PPM1E: variants seen among roughly 807,000 people sequenced by gnomAD.
PPM1E encodes protein phosphatase, Mg2+/Mn2+ dependent 1E, also known as protein phosphatase 1E.
In PPM1E, 20 loss-of-function variants were observed where a neutral mutation model predicts 65.9. That is an observed-to-expected ratio of 0.30 (90% confidence interval 0.21 to 0.44). The LOEUF (loss-of-function observed/expected upper bound fraction) is 0.44, where lower values mean the gene tolerates loss of function less well. PPM1E is among the 20% of genes least tolerant of loss of function. The probability of loss-of-function intolerance (pLI) is 1.00; values close to 1 mark genes in which losing one functional copy is unlikely to be tolerated. For synonymous variants in PPM1E, 352 were observed against 374.9 expected, an observed-to-expected ratio of 0.94 and a Z score of 0.70; for missense variants, 713 against 953.1, an observed-to-expected ratio of 0.75 and a Z score of 3.32.
intron 1 of PPM1E, among the ~76,000 whole-genome samples, chr17:58,937,848 C>G (rs2052004608): frequency 7.8e-6 from 1 of 127,802 alleles, no homozygotes; most frequent in South Asian, 2.4e-4. Context: ...CCACTGCGCT[C>G]CAGCCTGGGC....
intron 1 of PPM1E, among the ~76,000 whole-genome samples, chr17:58,876,326 G>C (rs1300465262): frequency 6.6e-6 from 1 of 151,920 alleles, no homozygotes; most frequent in African/African-American, 2.4e-5. Flanking sequence ...TGTATTAATA[G>C]GCAGAAGACT....
chr17:58,809,789 T>C (rs1228371921), intron 1 of PPM1E, among the ~76,000 whole-genome samples: 1 of 152,248 alleles, frequency 6.6e-6, no homozygotes, highest in Non-Finnish European at 1.5e-5. Flanking sequence ...TGATATCATG[T>C]AATATGCTTT....
At position 58,984,482 on chromosome 17, in the gene PPM1E, A is replaced by G. The variant is rs2031608802; in HGVS notation, c.*3451A>G. On this transcript the variant is annotated 3_prime_UTR_variant, in exon 7 of 7. Coordinates refer to ENST00000308249, the MANE Select transcript of PPM1E (RefSeq NM_014906.5). ...ATTTTTAAACCTAATTTATTCACTC[A>G]GTGAACATTCTTACCTAAGCAAGGC... 1 of 152,662 alleles carries G rather than the reference A, an allele frequency of 6.6e-6. No homozygotes were observed. The allele number at this position is 152,662 out of a possible 1,614,324, so 9.5% of individuals were successfully genotyped here.
At chr17:58,787,905 TAA>T (rs1284840531) in intron 1 of PPM1E, among the ~76,000 whole-genome samples, 13 of 114,370 alleles carry the variant, frequency 1.1e-4, no homozygotes, top group Admixed American at 2.8e-4. Flanking sequence ...AGACTCTGTC[TAA>T]AAAAAAAAAA....
intron 1 of PPM1E, among the ~76,000 whole-genome samples, chr17:58,900,473 T>C (rs1441731724): frequency 6.6e-6 from 1 of 152,228 alleles, no homozygotes; most frequent in Non-Finnish European, 1.5e-5. Flanking sequence ...TTTTTAGCCA[T>C]AAAGTATTTT....
intron 6 of PPM1E, among the ~76,000 whole-genome samples, chr17:58,975,452 CATAGTG>C (rs2030939004): frequency 6.6e-6 from 1 of 152,136 alleles, no homozygotes; most frequent in Non-Finnish European, 1.5e-5. Context: ...ACCTGGGCAA[CATAGTG>C]ATACCTCATC....
At chr17:58,851,410 T>C (rs906440139) in intron 1 of PPM1E, among the ~76,000 whole-genome samples, 1 of 152,146 alleles carries the variant, frequency 6.6e-6, no homozygotes, top group African/African-American at 2.4e-5. Context: ...ATCTTTGTGG[T>C]TTTTTCTACC....
chr17:58,850,116 T>A (rs2050810704), intron 1 of PPM1E, among the ~76,000 whole-genome samples: 1 of 152,044 alleles, frequency 6.6e-6, no homozygotes, highest in Non-Finnish European at 1.5e-5. Flanking sequence ...GCTTTTTTTT[T>A]TCCATTTGCT....
intron 1 of PPM1E, among the ~76,000 whole-genome samples, chr17:58,811,520 G>A (rs988384745): frequency 1.3e-5 from 2 of 152,132 alleles, no homozygotes; most frequent in African/African-American, 4.8e-5. Flanking sequence ...CTGAACAGAA[G>A]TGGTAGAAAA....
intron 1 of PPM1E, among the ~76,000 whole-genome samples, chr17:58,891,048 G>A (rs1212029473): frequency 6.6e-6 from 1 of 151,838 alleles, no homozygotes; most frequent in Non-Finnish European, 1.5e-5. Context: ...TCAGCTCACT[G>A]CAACCTCTGC....
intron 1 of PPM1E, among the ~76,000 whole-genome samples, chr17:58,810,783 TCTA>T (rs1366973486): frequency 6.6e-6 from 1 of 152,232 alleles, no homozygotes; most frequent in Admixed American, 6.5e-5. Context: ...CAGTTGTTCT[TCTA>T]CTGAAGTATT....
At chr17:58,927,689 T>C (rs2051841142) in intron 1 of PPM1E, among the ~76,000 whole-genome samples, 1 of 151,652 alleles carries the variant, frequency 6.6e-6, no homozygotes, top group African/African-American at 2.4e-5. Flanking sequence ...GCAGGTGGAT[T>C]GCTTGAGCCC....
At chr17:58,941,990 A>G (rs2052077114) in intron 1 of PPM1E, among the ~76,000 whole-genome samples, 2 of 149,230 alleles carry the variant, frequency 1.3e-5, no homozygotes, top group African/African-American at 5.0e-5. Context: ...GGGGGACAAG[A>G]CCGAGACTTC....
At chr17:58,791,769 A>G (rs945006014) in intron 1 of PPM1E, among the ~76,000 whole-genome samples, 1 of 152,172 alleles carries the variant, frequency 6.6e-6, no homozygotes, top group Non-Finnish European at 1.5e-5. Flanking sequence ...TACGCAGGTA[A>G]TGAGAGGGAC....
At chr17:58,953,022 A>C (rs1477013386) in intron 1 of PPM1E, among the ~76,000 whole-genome samples, 2 of 152,072 alleles carry the variant, frequency 1.3e-5, no homozygotes, top group Non-Finnish European at 2.9e-5. Flanking sequence ...GTTCCACTTG[A>C]CTGAAAACCT....
At chr17:58,885,203 C>T (rs1269101460) in intron 1 of PPM1E, among the ~76,000 whole-genome samples, 11 of 152,118 alleles carry the variant, frequency 7.2e-5, no homozygotes, top group Admixed American at 2.0e-4. Flanking sequence ...ATTAAAGGCA[C>T]TTGCCACCAC....
At chr17:58,767,474 T>C (rs1348545435) in intron 1 of PPM1E, among the ~76,000 whole-genome samples, 1 of 152,206 alleles carries the variant, frequency 6.6e-6, no homozygotes, top group African/African-American at 2.4e-5. Flanking sequence ...AGAAATTGAA[T>C]TTTGATTACT....
At chr17:58,771,711 A>G (rs1028563777) in intron 1 of PPM1E, among the ~76,000 whole-genome samples, 1 of 152,046 alleles carries the variant, frequency 6.6e-6, no homozygotes, top group Admixed American at 6.6e-5. Context: ...AATGACATCA[A>G]TGAGTTTATT....
intron 1 of PPM1E, among the ~76,000 whole-genome samples, chr17:58,882,572 G>T (rs9891588): frequency 6.6e-6 from 1 of 151,874 alleles, no homozygotes; most frequent in African/African-American, 2.4e-5. Context: ...TGTATTTTTA[G>T]TAGAGACAGG....
Sources: allele counts gnomAD v4.1 joint callset (sites outside exome capture counted in the v4.1 genomes callset), GRCh38; gene constraint gnomAD v4.1.1; transcripts MANE v1.5; gene names NCBI Gene and HGNC (gene_info 2026-07-23, HGNC 2026-07-21).